TNFRSF19: variants seen among roughly 807,000 people sequenced by gnomAD.
TNFRSF19 encodes TNF receptor superfamily member 19, also known as tumor necrosis factor receptor superfamily member 19.
In TNFRSF19, 27 loss-of-function variants were observed where a neutral mutation model predicts 46.4. The observed-to-expected ratio is 0.58, with a 90% CI of 0.43 to 0.80. TNFRSF19 has a LOEUF of 0.80. Among genes scored for constraint, TNFRSF19 ranks in the 30% least tolerant of loss-of-function variants. The probability of loss-of-function intolerance (pLI) is 0.00; values close to 1 mark genes in which losing one functional copy is unlikely to be tolerated. For missense variants in TNFRSF19, 511 were observed against 530.8 expected, an observed-to-expected ratio of 0.96 and a Z score of 0.37; for synonymous variants, 204 against 205.0, an observed-to-expected ratio of 1.00 and a Z score of 0.04.
intron 4 of TNFRSF19, among the ~76,000 whole-genome samples, chr13:23,621,844 G>A (rs1030633589): frequency 6.6e-6 from 1 of 152,092 alleles, no homozygotes; most frequent in African/African-American, 2.4e-5. Flanking sequence ...CAGCTACTTG[G>A]GAGGCTAAGA....
chr13:23,659,340 C>A lies in TNFRSF19; in HGVS notation c.610+126C>A. Reference sequence around the variant, plus strand: ...CAGTGAGTTGTGAAAGAACGCAGGGCACAAGAAACACAGGTGATCCCTGAA... The same window carrying A: ...CAGTGAGTTGTGAAAGAACGCAGGGAACAAGAAACACAGGTGATCCCTGAA... On this transcript the variant is annotated intron_variant, in intron 6 of 9. Transcript: ENST00000248484. This position sits in a 1 kb window ranked among gnomAD's most constrained non-coding sequence, Gnocchi z 4.9. 1 of 997,252 alleles carries A rather than the reference C, an allele frequency of 1.0e-6. No individual in the cohort carries two copies. Among genetic ancestry groups the A allele is most frequent in the Non-Finnish European group, 1.5e-6 (1 of 687,154 alleles). The allele number at this position is 997,252 out of a possible 1,614,324, so 61.8% of individuals were successfully genotyped here.
chr13:23,627,692 T>C (rs1234342180), intron 5 of TNFRSF19, among the ~76,000 whole-genome samples: 1 of 152,166 alleles, frequency 6.6e-6, no homozygotes, highest in Admixed American at 6.5e-5. Context: ...CTCATGCCTT[T>C]CTGGGGAGCA....
chr13:23,630,853 G>A (rs1882314908), intron 5 of TNFRSF19, among the ~76,000 whole-genome samples: 1 of 151,866 alleles, frequency 6.6e-6, no homozygotes, highest in Admixed American at 6.6e-5. Context: ...AAATTCAAAG[G>A]GGTTTTCACC....
At chr13:23,610,066 G>C (rs1331171414) in intron 3 of TNFRSF19, among the ~76,000 whole-genome samples, 2 of 152,218 alleles carry the variant, frequency 1.3e-5, no homozygotes, top group Non-Finnish European at 2.9e-5. Flanking sequence ...GCATGCCCTA[G>C]ATTCTCCCTT....
chr13:23,655,780 G>C (rs1214414954), intron 5 of TNFRSF19, among the ~76,000 whole-genome samples: 2 of 146,700 alleles, frequency 1.4e-5, no homozygotes, highest in Non-Finnish European at 3.0e-5. Flanking sequence ...TTTTGTTTTT[G>C]TTTTTGTTTT....
At chr13:23,618,338 G>A (rs1039884762) in intron 4 of TNFRSF19, among the ~76,000 whole-genome samples, 1 of 151,994 alleles carries the variant, frequency 6.6e-6, no homozygotes, top group Non-Finnish European at 1.5e-5. Flanking sequence ...ATACAATGAA[G>A]GATTTGAATA....
intron 7 of TNFRSF19, among the ~76,000 whole-genome samples, chr13:23,664,860 C>T (rs973179730): frequency 1.3e-5 from 2 of 152,080 alleles, no homozygotes; most frequent in Non-Finnish European, 2.9e-5. Flanking sequence ...TAGACAGTTG[C>T]AACAAATAAG....
At chr13:23,644,387 G>T (rs1883203304) in intron 5 of TNFRSF19, among the ~76,000 whole-genome samples, 1 of 152,162 alleles carries the variant, frequency 6.6e-6, no homozygotes, top group Non-Finnish European at 1.5e-5. Flanking sequence ...GTTCTCACAA[G>T]ATCTGATGGT....
chr13:23,586,862 T>C (rs1400909621), intron 1 of TNFRSF19, among the ~76,000 whole-genome samples: 1 of 152,138 alleles, frequency 6.6e-6, no homozygotes, highest in Non-Finnish European at 1.5e-5. Context: ...TAGCAGATAG[T>C]GAGGCCGACA....
chr13:23,645,841 G>A (rs957004105), intron 5 of TNFRSF19, among the ~76,000 whole-genome samples: 1 of 152,130 alleles, frequency 6.6e-6, no homozygotes, highest in African/African-American at 2.4e-5. Flanking sequence ...GGATAAATAG[G>A]CATCTCAAAC....
At chr13:23,647,425 T>G (rs1883397060) in intron 5 of TNFRSF19, among the ~76,000 whole-genome samples, 1 of 152,188 alleles carries the variant, frequency 6.6e-6, no homozygotes, top group Non-Finnish European at 1.5e-5. Context: ...TATTTAGAGA[T>G]GGAGTCTTGC....
chr13:23,591,190 T>C (rs1879256526), intron 2 of TNFRSF19, among the ~76,000 whole-genome samples: 1 of 152,344 alleles, frequency 6.6e-6, no homozygotes, highest in Middle Eastern at 3.4e-3. Context: ...CTGTGGCTCA[T>C]GCTTGTAATC....
At chr13:23,656,484 T>C (rs1055954405) in intron 5 of TNFRSF19, among the ~76,000 whole-genome samples, 21 of 152,346 alleles carry the variant, frequency 1.4e-4, no homozygotes, top group Non-Finnish European at 1.5e-4. Context: ...CTAATTATGA[T>C]ACTACTTTAA....
At chr13:23,665,835 T>G (rs1951622491) in intron 7 of TNFRSF19, among the ~76,000 whole-genome samples, 1 of 152,210 alleles carries the variant, frequency 6.6e-6, no homozygotes, top group Non-Finnish European at 1.5e-5. Flanking sequence ...ATTGCCCCAG[T>G]ATTGTCTTTT....
intron 1 of TNFRSF19, among the ~76,000 whole-genome samples, chr13:23,576,783 A>AT (rs1182271698): frequency 1.3e-5 from 2 of 152,022 alleles, no homozygotes; most frequent in East Asian, 3.9e-4. Context: ...ACAACCATTC[A>AT]TTTTTTTTCA....
chr13:23,673,205 A>G (rs946464810), intron 9 of TNFRSF19, among the ~76,000 whole-genome samples, 167 bp from the exon 10 acceptor site: 1 of 152,244 alleles, frequency 6.6e-6, no homozygotes, highest in Admixed American at 6.5e-5. Flanking sequence ...TTACATGGGT[A>G]GCTGGATATT....
intron 2 of TNFRSF19, among the ~76,000 whole-genome samples, chr13:23,590,939 A>G (rs1879236175): frequency 6.6e-6 from 1 of 152,234 alleles, no homozygotes. Context: ...AATAATTTAG[A>G]ATAGATTTTT....
rs150987000 is a variant in TNFRSF19 at position 23,661,821 on chromosome 13, G to C, written c.736+1331G>C. Among the ~76,000 whole-genome samples the C allele has an allele frequency of 1.6e-3, 247 of 152,182 alleles. 3 individuals are homozygous for C. The East Asian group carries it at 0.043, about 26-fold the overall frequency. ...CTGTTGAGCTTTTTTTCATATGCTTGTTGGCCACATGTATGTCTTCTTTTG... is the reference window on the plus strand; with the variant it reads ...CTGTTGAGCTTTTTTTCATATGCTTCTTGGCCACATGTATGTCTTCTTTTG... On this transcript the variant is annotated intron_variant, in intron 7 of 9. Coordinates refer to ENST00000248484, the MANE Select transcript of TNFRSF19 (RefSeq NM_148957.4).
At chr13:23,672,017 T>C (rs559204453) in intron 9 of TNFRSF19, among the ~76,000 whole-genome samples, 1 of 152,294 alleles carries the variant, frequency 6.6e-6, no homozygotes, top group South Asian at 2.1e-4. Flanking sequence ...CATGTGTCCA[T>C]CTGGGAGGTG....
Sources: gnomAD v4.1 joint callset for allele counts (sites outside exome capture counted in the v4.1 genomes callset) on GRCh38, gnomAD v4.1.1 for gene constraint, Gnocchi (gnomAD v3.1) non-coding constraint, MANE v1.5 for transcripts, NCBI Gene and HGNC (gene_info 2026-07-23, HGNC 2026-07-21) for gene names.